MEF2D: variants seen among roughly 807,000 people sequenced by gnomAD.
MEF2D encodes the protein myocyte-specific enhancer factor 2D.
In MEF2D, 10 loss-of-function variants were observed where a neutral mutation model predicts 59.3. The ratio of observed to expected loss-of-function variants is 0.17; its 90% CI spans 0.10 to 0.29. MEF2D has a LOEUF of 0.29. Ranked by LOEUF, MEF2D falls within the 10% of genes least tolerant of loss-of-function variation. MEF2D has a pLI of 1.00. For missense variants in MEF2D, 508 were observed against 699.4 expected (o/e 0.73, Z 3.09); for synonymous variants, 305 against 295.0 (o/e 1.03, Z -0.35).
At position 156,467,529 on chromosome 1, in the gene MEF2D, A is replaced by G; in HGVS notation, c.*116T>C. ...ACACAAATGTAACCGTCAACAGGAC[A>G]CGAAGCACAAGAAAGGAAGTGGGGG... is the stretch of plus-strand genomic sequence containing the variant. On this transcript the variant is annotated 3_prime_UTR_variant, in exon 12 of 12. Transcript: ENST00000348159. The G allele has an allele frequency of 1.6e-6, 1 of 618,194 alleles. No homozygotes were observed. Among genetic ancestry groups the G allele is most frequent in the South Asian group, 5.8e-5 (1 of 17,224 alleles). The allele number at this position is 618,194 out of a possible 1,614,324, so 38.3% of individuals were successfully genotyped here.
intron 4 of MEF2D, among the ~76,000 whole-genome samples, chr1:156,480,236 G>A (rs1284152289): frequency 1.3e-5 from 2 of 151,100 alleles, no homozygotes; most frequent in African/African-American, 4.9e-5. Context: ...CTGCTGCAGA[G>A]AGAGCTCACC....
intron 1 of MEF2D, among the ~76,000 whole-genome samples, chr1:156,489,734 C>A (rs1329402073): frequency 2.6e-5 from 4 of 152,120 alleles, no homozygotes; most frequent in Non-Finnish European, 4.4e-5. Context: ...CAGGGAGAGG[C>A]AAGGGGGCCC....
At chr1:156,473,680 C>G (rs1419578579) in intron 9 of MEF2D, among the ~76,000 whole-genome samples, 2 of 152,180 alleles carry the variant, frequency 1.3e-5, no homozygotes, top group Admixed American at 6.5e-5. Flanking sequence ...TGACACAGGC[C>G]AGGATGGCCC....
At chr1:156,492,721 G>C (rs541216559) in intron 1 of MEF2D, among the ~76,000 whole-genome samples, 162 of 152,318 alleles carry the variant, frequency 1.1e-3, no homozygotes, top group Non-Finnish European at 1.9e-3. Flanking sequence ...GGGGCGGTTG[G>C]GACGGTTAGT....
intron 1 of MEF2D, among the ~76,000 whole-genome samples, chr1:156,496,280 G>A (rs1431376437): frequency 6.6e-6 from 1 of 152,162 alleles, no homozygotes; most frequent in Non-Finnish European, 1.5e-5. Context: ...TGAGCGGGGA[G>A]GGCAACAGAG....
intron 4 of MEF2D, among the ~76,000 whole-genome samples, chr1:156,480,361 G>A (rs1462977939): frequency 2.0e-5 from 3 of 152,072 alleles, no homozygotes; most frequent in African/African-American, 4.8e-5. Flanking sequence ...AAAAACATCT[G>A]GACAAAGAGC....
At chr1:156,495,196 T>C (rs1673060076) in intron 1 of MEF2D, among the ~76,000 whole-genome samples, 1 of 152,180 alleles carries the variant, frequency 6.6e-6, no homozygotes, top group African/African-American at 2.4e-5. Flanking sequence ...TGAGGAATCC[T>C]GGTTTTCTCT....
At chr1:156,494,989 T>C (rs1223241921) in intron 1 of MEF2D, among the ~76,000 whole-genome samples, 2 of 152,162 alleles carry the variant, frequency 1.3e-5, no homozygotes, top group Non-Finnish European at 2.9e-5. Flanking sequence ...GCCCAGCCTC[T>C]TGTGGTCCAA....
At position 156,465,931 on chromosome 1, in the gene MEF2D, C is replaced by T. The variant is rs1339885185; in HGVS notation, c.*1714G>A. 2.0e-5 allele frequency: 3 copies of T among 152,206 alleles called. No individual in the cohort carries two copies. The highest frequency in any genetic ancestry group is 6.5e-5 in the Admixed American group (1 of 15,282). The allele number at this position is 152,206 out of a possible 1,614,324, so 9.4% of individuals were successfully genotyped here. Reference sequence around the variant, plus strand: ...CTGGGAGGAAACCCCAAGGGGGCGCCGCACCCCTTGGGCAGAGGAGCTGGG... The same window carrying T: ...CTGGGAGGAAACCCCAAGGGGGCGCTGCACCCCTTGGGCAGAGGAGCTGGG... On this transcript the variant is annotated 3_prime_UTR_variant, in exon 12 of 12. Coordinates refer to ENST00000348159, the MANE Select transcript of MEF2D (RefSeq NM_005920.4).
intron 9 of MEF2D, among the ~76,000 whole-genome samples, chr1:156,474,458 AAAC>A (rs1177259028): frequency 6.6e-6 from 1 of 151,392 alleles, no homozygotes; most frequent in East Asian, 2.3e-4. Context: ...AAAAAAACAA[AAAC>A]AACAAAAACC....
chr1:156,467,200 T>C lies in MEF2D; in HGVS notation c.*445A>G, dbSNP rs1670898987. ...CCCACTTTGGGGTTTCAGTCTAGAG[T>C]GTGGGTTTCTGTTGTTTGGTAGTTT... On this transcript the variant is annotated 3_prime_UTR_variant, in exon 12 of 12. Coordinates refer to ENST00000348159, the MANE Select transcript of MEF2D (RefSeq NM_005920.4). 6.9e-6 allele frequency: 1 copy of C among 145,662 alleles called. No homozygotes were observed. The highest frequency in any genetic ancestry group is 1.5e-5 in the Non-Finnish European group (1 of 66,212). The allele number at this position is 145,662 out of a possible 1,614,324, so 9.0% of individuals were successfully genotyped here.
intron 1 of MEF2D, among the ~76,000 whole-genome samples, chr1:156,500,216 C>G (rs926044185): frequency 3.9e-5 from 6 of 152,180 alleles, no homozygotes; most frequent in African/African-American, 1.4e-4. Flanking sequence ...CCAATCCGCC[C>G]GTCCCCACCC....
At chr1:156,487,158 T>C (rs965004349) in intron 1 of MEF2D, among the ~76,000 whole-genome samples, 1 of 152,202 alleles carries the variant, frequency 6.6e-6, no homozygotes, top group African/African-American at 2.4e-5. Flanking sequence ...GCTCCCTGGC[T>C]GATCTCCTAC....
chr1:156,474,121 G>A (rs1288968231), intron 9 of MEF2D, among the ~76,000 whole-genome samples: 1 of 152,158 alleles, frequency 6.6e-6, no homozygotes, highest in African/African-American at 2.4e-5. Flanking sequence ...CAGGCTGCAG[G>A]CTTTCTGAGG....
intron 6 of MEF2D, among the ~76,000 whole-genome samples, 166 bp downstream of exon 6, chr1:156,479,124 G>C (rs999991082): frequency 6.6e-6 from 1 of 152,218 alleles, no homozygotes; most frequent in Admixed American, 6.5e-5. Context: ...CATTGCTACA[G>C]AAAACAAAAT....
At position 156,463,840 on chromosome 1, in the gene MEF2D, T is replaced by G. The variant is rs930494166; in HGVS notation, c.*3805A>C. Reference sequence around the variant, plus strand: ...TCTCGAGGACTTTGTCTTTTCTTATTGTGTAGAATACTAAGAAAGCATCAC... The same window carrying G: ...TCTCGAGGACTTTGTCTTTTCTTATGGTGTAGAATACTAAGAAAGCATCAC... On this transcript the variant is annotated 3_prime_UTR_variant, in exon 12 of 12. Transcript: ENST00000348159. The G allele has an allele frequency of 6.5e-6, 1 of 152,702 alleles. No homozygotes were observed. Among genetic ancestry groups the G allele is most frequent in the Non-Finnish European group, 1.5e-5 (1 of 68,044 alleles). The allele number at this position is 152,702 out of a possible 1,614,324, so 9.5% of individuals were successfully genotyped here. A position where few individuals can be genotyped will look rare whatever the true frequency, so the allele number is the denominator to read the frequency against.
intron 6 of MEF2D, among the ~76,000 whole-genome samples, chr1:156,478,408 GCAGGAATGT>G (rs1671756058): frequency 6.6e-6 from 1 of 152,146 alleles, no homozygotes; most frequent in South Asian, 2.1e-4. Context: ...TCTGGGAATG[GCAGGAATGT>G]CAGGGTGACG....
At chr1:156,471,119 G>T (rs770789612) in intron 9 of MEF2D, among the ~76,000 whole-genome samples, 8 of 152,012 alleles carry the variant, frequency 5.3e-5, no homozygotes, top group Non-Finnish European at 1.2e-4. Context: ...GCAGTGGTGC[G>T]ATCTCCACTC....
rs1297345028 is a variant in MEF2D at position 156,498,032 on chromosome 1, C to T, written c.-139+2454G>A. On this transcript the variant is annotated intron_variant, in intron 1 of 11. Transcript: ENST00000348159. ...ACTCCAAGCTTCCTTACTACTGCTC[C>T]TTTAGCTCCCCCCAACCTGAAGAGT... 2.0e-5 allele frequency among the ~76,000 whole-genome samples: 3 copies of T among 147,374 alleles called. No homozygotes were observed. In the East Asian group the frequency reaches 6.0e-4, roughly 29 times the overall value.
Sources: gnomAD v4.1 joint callset for allele counts (sites outside exome capture counted in the v4.1 genomes callset) on GRCh38, gnomAD v4.1.1 for gene constraint, MANE v1.5 for transcripts, NCBI Gene and HGNC (gene_info 2026-07-23, HGNC 2026-07-21) for gene names.